Variants in CYP4Z1 observed in about 807,000 individuals in gnomAD.
The protein encoded by CYP4Z1 is cytochrome P450 family 4 subfamily Z member 1, also known as cytochrome P450 4Z1.
A neutral mutation model predicts 54.2 loss-of-function variants in CYP4Z1; 41 were observed. The observed-to-expected ratio is 0.76, with a 90% CI of 0.59 to 0.98. The LOEUF is 0.98. CYP4Z1 is among the 50% of genes least tolerant of loss of function. The probability of loss-of-function intolerance (pLI) is 0.00; values close to 1 mark genes in which losing one functional copy is unlikely to be tolerated. For synonymous variants in CYP4Z1, 163 were observed against 206.2 expected, an observed-to-expected ratio of 0.79 and a Z score of 1.79; for missense variants, 513 against 599.0, an observed-to-expected ratio of 0.86 and a Z score of 1.50.
chr1:47,101,275 T>C (rs1644719611), intron 8 of CYP4Z1, among the ~76,000 whole-genome samples: 2 of 152,118 alleles, frequency 1.3e-5, no homozygotes, highest in African/African-American at 4.8e-5. Context: ...TTGTTATTTC[T>C]TTCCTTCTAC....
chr1:47,083,847 A>C (rs2405340), intron 4 of CYP4Z1, among the ~76,000 whole-genome samples: 64,185 of 151,600 alleles, frequency 0.42, 14,989 homozygotes, highest in East Asian at 0.97. Flanking sequence ...TCACCTACCT[A>C]TTGCTCTTTC....
intron 7 of CYP4Z1, among the ~76,000 whole-genome samples, chr1:47,097,665 CTG>C (rs1644688044): frequency 6.6e-6 from 1 of 151,988 alleles, no homozygotes; most frequent in African/African-American, 2.4e-5. Flanking sequence ...CCATTGGTCT[CTG>C]TGTCTGTTCT....
rs2148544900 is a variant in CYP4Z1 at position 47,118,148 on chromosome 1, G to C, written c.*214G>C. ...AAAAACACCTGAAAAAACTCAAGCT[G>C]ACTTCCACTGCGAAGGGAAATTATT... On this transcript the variant is annotated 3_prime_UTR_variant, in exon 12 of 12. Transcript: ENST00000334194. 2.1e-6 allele frequency: 1 copy of C among 470,306 alleles called. No individual in the cohort carries two copies. The highest frequency in any genetic ancestry group is 1.9e-5 in the African/African-American group (1 of 51,458). 29.1% of individuals were successfully genotyped at this position (470,306 alleles called of 1,614,324 possible).
chr1:47,114,668 T>G (rs1160972941), intron 9 of CYP4Z1, among the ~76,000 whole-genome samples: 2 of 152,106 alleles, frequency 1.3e-5, no homozygotes, highest in Admixed American at 6.6e-5. Flanking sequence ...AAGAAGACAT[T>G]TATGCAGCCA....
At chr1:47,115,044 C>G (rs1458976547) in intron 9 of CYP4Z1, among the ~76,000 whole-genome samples, 2 of 152,090 alleles carry the variant, frequency 1.3e-5, no homozygotes, top group Non-Finnish European at 2.9e-5. Flanking sequence ...TTGGAACCAA[C>G]CCAAATGTCC....
intron 9 of CYP4Z1, among the ~76,000 whole-genome samples, chr1:47,109,672 T>C (rs1344979203): frequency 1.3e-5 from 2 of 152,220 alleles, no homozygotes; most frequent in Non-Finnish European, 2.9e-5. Context: ...TATTAAGAGA[T>C]ATTTTGAGCC....
At chr1:47,099,565 T>C (rs1222033255) in intron 8 of CYP4Z1, among the ~76,000 whole-genome samples, 8 of 152,202 alleles carry the variant, frequency 5.3e-5, no homozygotes, top group Non-Finnish European at 1.5e-5. Flanking sequence ...ACCTTTTTTA[T>C]GTCACGGAAG....
intron 6 of CYP4Z1, among the ~76,000 whole-genome samples, chr1:47,087,922 C>T (rs1644609533): frequency 6.6e-6 from 1 of 152,134 alleles, no homozygotes. Flanking sequence ...TGAATTTTGT[C>T]AAAGGCCTTT....
intron 9 of CYP4Z1, among the ~76,000 whole-genome samples, chr1:47,112,502 G>A (rs938356103): frequency 5.5e-5 from 7 of 127,530 alleles, no homozygotes; most frequent in African/African-American, 1.5e-4. Flanking sequence ...ATTTAAGGAA[G>A]TATCACATTG....
intron 10 of CYP4Z1, 41 bp from the exon 11 acceptor site, chr1:47,116,609 G>C: frequency 2.3e-6 from 3 of 1,308,002 alleles, no homozygotes; most frequent in Non-Finnish European, 3.2e-6. Flanking sequence ...TGTGGGGGTG[G>C]GCTGGAGGGA....
intron 6 of CYP4Z1, among the ~76,000 whole-genome samples, chr1:47,087,211 T>C (rs1262930659): frequency 4.6e-5 from 7 of 152,096 alleles, no homozygotes; most frequent in Non-Finnish European, 7.4e-5. Flanking sequence ...TTTAAAGTAG[T>C]TTTTTTCCAA....
At chr1:47,092,288 G>A (rs1013768505) in intron 6 of CYP4Z1, among the ~76,000 whole-genome samples, 2 of 152,002 alleles carry the variant, frequency 1.3e-5, no homozygotes, top group African/African-American at 4.8e-5. Flanking sequence ...CTTCTCCTGA[G>A]CTTTTTCTCT....
chr1:47,083,001 G>T (rs1644565999), intron 4 of CYP4Z1, among the ~76,000 whole-genome samples: 2 of 152,182 alleles, frequency 1.3e-5, no homozygotes, highest in African/African-American at 2.4e-5. Context: ...AGACACAATT[G>T]TGTGTCTCCA....
chr1:47,118,013 A>T lies in CYP4Z1; in HGVS notation c.*79A>T. 7.3e-7 allele frequency: 1 copy of T among 1,372,140 alleles called. No homozygotes were observed. 85.0% of individuals were successfully genotyped at this position (1,372,140 alleles called of 1,614,324 possible). ...AACAAAAGGATAAATATAATACAAA[A>T]TATATGTATATGGTTGTTTGACAAA... On this transcript the variant is annotated 3_prime_UTR_variant, in exon 12 of 12. Transcript: ENST00000334194.
upstream of CYP4Z1, among the ~76,000 whole-genome samples, chr1:47,062,802 T>C (rs1644431103): frequency 6.6e-6 from 1 of 152,190 alleles, no homozygotes; most frequent in Non-Finnish European, 1.5e-5. Flanking sequence ...GGGAGCACTA[T>C]GGCCCTGCCC....
chr1:47,112,061 T>C (rs1185098861), intron 9 of CYP4Z1, among the ~76,000 whole-genome samples: 1 of 151,576 alleles, frequency 6.6e-6, no homozygotes, highest in African/African-American at 2.4e-5. Flanking sequence ...AATAAATCAG[T>C]TGGGGAAAGA....
intron 2 of CYP4Z1, among the ~76,000 whole-genome samples, chr1:47,073,930 C>T (rs1275299335): frequency 1.3e-5 from 2 of 152,124 alleles, no homozygotes; most frequent in Non-Finnish European, 2.9e-5. Flanking sequence ...CCTTGATACA[C>T]AAAAGCTTTT....
chr1:47,076,616 C>T (rs559620957), intron 2 of CYP4Z1, among the ~76,000 whole-genome samples: 8 of 151,708 alleles, frequency 5.3e-5, no homozygotes, highest in Non-Finnish European at 8.8e-5. Context: ...GAGGCCGAGG[C>T]GGGTGGATCA....
At chr1:47,073,681 G>A (rs1247914285) in intron 2 of CYP4Z1, among the ~76,000 whole-genome samples, 4 of 152,232 alleles carry the variant, frequency 2.6e-5, no homozygotes, top group Non-Finnish European at 4.4e-5. Flanking sequence ...CCTAATGACT[G>A]AATATCATCT....
Sources: allele counts gnomAD v4.1 joint callset (sites outside exome capture counted in the v4.1 genomes callset), GRCh38; gene constraint gnomAD v4.1.1; transcripts MANE v1.5; gene names NCBI Gene and HGNC (gene_info 2026-07-23, HGNC 2026-07-21).